IGF1R: variants seen among roughly 807,000 people sequenced by gnomAD.
The protein encoded by IGF1R is insulin-like growth factor 1 receptor.
Under a neutral mutation model 144.6 loss-of-function variants are expected in IGF1R, and 44 were observed. That is an observed-to-expected ratio of 0.30 (90% CI 0.24 to 0.39). The LOEUF (loss-of-function observed/expected upper bound fraction) is 0.39. Among genes scored for constraint, IGF1R ranks in the 10% least tolerant of loss-of-function variants. The pLI, the probability that IGF1R is intolerant of heterozygous loss-of-function variation, is 1.00. For missense variants in IGF1R, 1,355 were observed against 1,833.7 expected, an observed-to-expected ratio of 0.74 and a Z score of 4.77; for synonymous variants, 795 against 722.8, an observed-to-expected ratio of 1.10 and a Z score of -1.60.
intron 18 of IGF1R, among the ~76,000 whole-genome samples, chr15:98,942,144 T>TC (rs1259822332): frequency 6.6e-6 from 1 of 152,132 alleles, no homozygotes; most frequent in Non-Finnish European, 1.5e-5. Context: ...CTGAATATTT[T>TC]CCCCCTTATT....
At chr15:98,867,382 A>T (rs2012512191) in intron 2 of IGF1R, among the ~76,000 whole-genome samples, 1 of 152,236 alleles carries the variant, frequency 6.6e-6, no homozygotes, top group Admixed American at 6.5e-5. Flanking sequence ...ATGAGTAGTG[A>T]TTTATAATTT....
intron 2 of IGF1R, among the ~76,000 whole-genome samples, chr15:98,718,420 G>A (rs1338772165): frequency 5.3e-5 from 8 of 152,218 alleles, no homozygotes; most frequent in African/African-American, 1.9e-4. Flanking sequence ...TCCTAATGAA[G>A]GGACCTGGAT....
At chr15:98,808,797 A>T (rs1238858342) in intron 2 of IGF1R, among the ~76,000 whole-genome samples, 1 of 151,348 alleles carries the variant, frequency 6.6e-6, no homozygotes, top group African/African-American at 2.4e-5. Flanking sequence ...GTCCTGTCTC[A>T]GCCTCCCGAG....
At chr15:98,920,137 C>T (rs530770913) in intron 10 of IGF1R, among the ~76,000 whole-genome samples, 1 of 152,180 alleles carries the variant, frequency 6.6e-6, no homozygotes, top group South Asian at 2.1e-4. Context: ...AAAGGTTTTC[C>T]AATAGGGCTA....
chr15:98,886,497 T>G (rs1249625835), intron 2 of IGF1R, among the ~76,000 whole-genome samples: 1 of 152,222 alleles, frequency 6.6e-6, no homozygotes, highest in Admixed American at 6.5e-5. Context: ...GTTTGCTTTT[T>G]TCTCTGTATA....
intron 1 of IGF1R, among the ~76,000 whole-genome samples, chr15:98,665,182 A>T (rs368646582): frequency 9.9e-5 from 15 of 152,212 alleles, no homozygotes; most frequent in African/African-American, 3.6e-4. Flanking sequence ...TGATCTCCTG[A>T]CCTTGTGATC....
At chr15:98,791,605 C>G (rs1245549036) in intron 2 of IGF1R, among the ~76,000 whole-genome samples, 2 of 152,126 alleles carry the variant, frequency 1.3e-5, no homozygotes, top group African/African-American at 4.8e-5. Flanking sequence ...GCTTGAAAAC[C>G]TAAGGAGGCC....
intron 2 of IGF1R, among the ~76,000 whole-genome samples, chr15:98,812,864 G>A (rs140137774): frequency 6.6e-6 from 1 of 152,190 alleles, no homozygotes; most frequent in Admixed American, 6.5e-5. Context: ...CTTGACTCCA[G>A]AGGAGCTGCC....
intron 8 of IGF1R, among the ~76,000 whole-genome samples, chr15:98,915,123 A>G (rs45594135): frequency 1.3e-5 from 2 of 152,160 alleles, no homozygotes; most frequent in Non-Finnish European, 2.9e-5. Flanking sequence ...AACCATCAAC[A>G]TTGATGCTTT....
intron 1 of IGF1R, among the ~76,000 whole-genome samples, chr15:98,675,809 T>C (rs1256609592): frequency 1.3e-5 from 1 of 76,484 alleles, no homozygotes. Flanking sequence ...TCTTTTCTTT[T>C]TTTTCTTTCT....
Position 98,694,487 on chromosome 15 carries a change from A to AT in IGF1R, c.95-13063dup, listed in dbSNP as rs749532944. On this transcript the variant is annotated intron_variant, in intron 1 of 20. Coordinates refer to ENST00000650285, the MANE Select transcript of IGF1R (RefSeq NM_000875.5). ...TGGTTGTGGCCACCTGACTTTCCCCATTTTTTTTTTTTGGACCTCAGCCTC... is the reference window on the plus strand; with the variant it reads ...TGGTTGTGGCCACCTGACTTTCCCCATTTTTTTTTTTTTGGACCTCAGCCTC... Among the ~76,000 whole-genome samples the AT allele has an allele frequency of 5.0e-3, 708 of 142,826 alleles. 2 individuals are homozygous for AT. The highest frequency in any genetic ancestry group is 9.6e-3 in the African/African-American group (376 of 39,058). 93.7% of individuals were successfully genotyped at this position (142,826 alleles called of 152,430 possible).
At position 98,806,163 on chromosome 15, in the gene IGF1R, G is replaced by C. The variant is rs184350031; in HGVS notation, c.641-85162G>C. 2.3e-3 allele frequency among the ~76,000 whole-genome samples: 346 copies of C among 152,248 alleles called. 1 individual carries two copies. Among genetic ancestry groups the C allele is most frequent in the Non-Finnish European group, 4.0e-3 (269 of 68,018 alleles). ...ACCTGGGCTCACAAAATTCCAGAAA[G>C]TAGTTGACGTCCTATTACTGGTTTA... On this transcript the variant is annotated intron_variant, in intron 2 of 20. Transcript: ENST00000650285.
chr15:98,914,441 C>T (rs564666265), intron 8 of IGF1R, among the ~76,000 whole-genome samples: 83 of 152,278 alleles, frequency 5.5e-4, no homozygotes, highest in African/African-American at 1.3e-3. Context: ...TTGCTGTGCA[C>T]GCCTGCTCCT....
chr15:98,925,206 C>T (rs1186742315), intron 13 of IGF1R, among the ~76,000 whole-genome samples: 1 of 152,062 alleles, frequency 6.6e-6, no homozygotes, highest in Non-Finnish European at 1.5e-5. Context: ...TTTAAAGTCC[C>T]CACATGCATT....
rs1416442227 is a variant in IGF1R at position 98,895,914 on chromosome 15, T to C, written c.954-843T>C. Among the ~76,000 whole-genome samples, 6 of 152,348 alleles carry C rather than the reference T, an allele frequency of 3.9e-5. No individual in the cohort carries two copies. In the East Asian group the frequency reaches 1.2e-3, roughly 29 times the overall value. ...TTGTTTGGAAATCAGTCCAACTTTC[T>C]GACCCTTGTTCTATATATAACTATA... On this transcript the variant is annotated intron_variant, in intron 3 of 20. Transcript: ENST00000650285.
At chr15:98,941,886 G>A (rs1221589418) in intron 18 of IGF1R, among the ~76,000 whole-genome samples, 2 of 152,180 alleles carry the variant, frequency 1.3e-5, no homozygotes, top group Non-Finnish European at 2.9e-5. Context: ...GTCCACTTAA[G>A]AAAAGGTTGT....
intron 1 of IGF1R, among the ~76,000 whole-genome samples, chr15:98,698,927 G>A (rs753068965): frequency 6.6e-6 from 1 of 152,236 alleles, no homozygotes. Context: ...GGAAACTGGA[G>A]CATTGTAGGG....
intron 2 of IGF1R, among the ~76,000 whole-genome samples, chr15:98,814,385 C>T (rs2056652546): frequency 6.6e-6 from 1 of 152,150 alleles, no homozygotes; most frequent in Non-Finnish European, 1.5e-5. Context: ...GGGTCTTGCT[C>T]TGTTGCCCAG....
chr15:98,897,420 C>T (rs2014254920), intron 4 of IGF1R: 1 of 171,800 alleles, frequency 5.8e-6, no homozygotes, highest in South Asian at 1.4e-4. Context: ...AAGTGTGTGT[C>T]ATTGTGTACA....
Sources: gnomAD v4.1 joint callset for allele counts (sites outside exome capture counted in the v4.1 genomes callset) on GRCh38, gnomAD v4.1.1 for gene constraint, MANE v1.5 for transcripts, NCBI Gene and HGNC (gene_info 2026-07-23, HGNC 2026-07-21) for gene names.